PRKAR1B: variants seen among roughly 807,000 people sequenced by gnomAD.
PRKAR1B encodes the protein cAMP-dependent protein kinase type I-beta regulatory subunit.
PRKAR1B carries 22 observed loss-of-function variants against 46.5 expected under a neutral mutation model. The observed-to-expected ratio is 0.47, with a 90% CI of 0.34 to 0.68. PRKAR1B has a LOEUF of 0.68. Ranked by LOEUF, PRKAR1B falls within the 30% of genes least tolerant of loss-of-function variation. The pLI, the probability that PRKAR1B is intolerant of heterozygous loss-of-function variation, is 0.01. For missense variants in PRKAR1B, 445 were observed against 535.6 expected (o/e 0.83, Z 1.67); for synonymous variants, 259 against 217.7 (o/e 1.19, Z -1.67).
chr7:670,833 C>T (rs34352362), intron 4 of PRKAR1B, among the ~76,000 whole-genome samples: 3 of 131,470 alleles, frequency 2.3e-5, no homozygotes, highest in Non-Finnish European at 4.9e-5. Context: ...CATCCGGCAG[C>T]GGGGCTCCGG....
intron 3 of PRKAR1B, among the ~76,000 whole-genome samples, chr7:678,548 A>G (rs1464148696): frequency 6.6e-6 from 1 of 152,218 alleles, no homozygotes; most frequent in Non-Finnish European, 1.5e-5. Flanking sequence ...AAGCACTACG[A>G]ACATTTCAGA....
intron 1 of PRKAR1B, among the ~76,000 whole-genome samples, chr7:722,225 C>T (rs1277628582): frequency 1.3e-5 from 2 of 151,782 alleles, no homozygotes; most frequent in African/African-American, 4.8e-5. Context: ...CTCAGCCTCC[C>T]CGAGTAGCTG....
chr7:647,591 G>A (rs1238823170), intron 4 of PRKAR1B, among the ~76,000 whole-genome samples: 2 of 151,928 alleles, frequency 1.3e-5, no homozygotes, highest in Non-Finnish European at 2.9e-5. Flanking sequence ...TGGATCACAA[G>A]GTCAGGAGAT....
intron 4 of PRKAR1B, among the ~76,000 whole-genome samples, chr7:634,647 T>G (rs988201548): frequency 2.6e-5 from 4 of 151,294 alleles, no homozygotes; most frequent in Non-Finnish European, 5.9e-5. Context: ...CTTACTGTTT[T>G]TTTTTTTTTT....
At chr7:701,481 G>C (rs1440388615) in intron 2 of PRKAR1B, among the ~76,000 whole-genome samples, 1 of 152,082 alleles carries the variant, frequency 6.6e-6, no homozygotes, top group Admixed American at 6.6e-5. Context: ...AAGACATGAT[G>C]GTTGAAAACT....
chr7:718,417 C>T (rs935280033), intron 1 of PRKAR1B, among the ~76,000 whole-genome samples: 6 of 149,818 alleles, frequency 4.0e-5, no homozygotes, highest in African/African-American at 1.2e-4. Flanking sequence ...AGTGCAGTGG[C>T]ACAATCTCAG....
At chr7:703,917 CA>C (rs1239350358) in intron 2 of PRKAR1B, among the ~76,000 whole-genome samples, 1 of 151,914 alleles carries the variant, frequency 6.6e-6, no homozygotes. Context: ...AGAGAGATAT[CA>C]AAAAAATCCC....
At chr7:631,319 A>C (rs539271300) in intron 4 of PRKAR1B, among the ~76,000 whole-genome samples, 34 of 152,308 alleles carry the variant, frequency 2.2e-4, no homozygotes, top group Non-Finnish European at 1.2e-4. Context: ...CCAGGTGTGG[A>C]CAGCGGCCCA....
chr7:609,796 A>G (rs949529248), intron 4 of PRKAR1B, among the ~76,000 whole-genome samples: 6 of 152,148 alleles, frequency 3.9e-5, no homozygotes, highest in African/African-American at 1.4e-4. Context: ...GCTGGAGTAT[A>G]GGGGTGCGAT....
chr7:711,622 G>C (rs1453142195), intron 1 of PRKAR1B, 95 bp from the exon 2 acceptor site: 1 of 1,141,652 alleles, frequency 8.8e-7, no homozygotes, highest in Non-Finnish European at 1.2e-6. Context: ...TCTCCCAGGA[G>C]CGTGGAAGAA....
chr7:617,755 G>C (rs1782909168), intron 4 of PRKAR1B, among the ~76,000 whole-genome samples: 1 of 152,204 alleles, frequency 6.6e-6, no homozygotes, highest in South Asian at 2.1e-4. Context: ...GGTGGCAGCA[G>C]GCACTAGGCC....
At chr7:674,143 A>G (rs185972796) in intron 4 of PRKAR1B, among the ~76,000 whole-genome samples, 5 of 152,150 alleles carry the variant, frequency 3.3e-5, no homozygotes, top group African/African-American at 9.7e-5. Context: ...GGTCCCAGAG[A>G]CTAGGTCGTG....
At chr7:706,094 G>C (rs1043897178) in intron 2 of PRKAR1B, among the ~76,000 whole-genome samples, 2 of 152,132 alleles carry the variant, frequency 1.3e-5, no homozygotes, top group Non-Finnish European at 2.9e-5. Flanking sequence ...GGGAAGCCGA[G>C]TGGGGAGGAC....
intron 9 of PRKAR1B, among the ~76,000 whole-genome samples, chr7:574,905 TA>T (rs1322920063): frequency 6.6e-6 from 1 of 152,254 alleles, no homozygotes; most frequent in Non-Finnish European, 1.5e-5. Flanking sequence ...CTAGAGCAAC[TA>T]AAGATATCTG....
intron 7 of PRKAR1B, among the ~76,000 whole-genome samples, chr7:594,824 C>G (rs1156761581): frequency 2.6e-5 from 4 of 152,122 alleles, no homozygotes; most frequent in African/African-American, 9.7e-5. Flanking sequence ...GAGGGGATCC[C>G]CTAGACCATG....
Position 688,040 on chromosome 7 carries a change from G to A in PRKAR1B, c.178-7314C>T, listed in dbSNP as rs1400053249. Among the ~76,000 whole-genome samples the A allele has an allele frequency of 3.5e-5, 5 of 142,244 alleles. No individual in the cohort carries two copies. The East Asian group carries it at 1.1e-3, about 30-fold the overall frequency. 93.3% of individuals were successfully genotyped at this position (142,244 alleles called of 152,430 possible). A position where few individuals can be genotyped will look rare whatever the true frequency, so the allele number is the denominator to read the frequency against. On this transcript the variant is annotated intron_variant, in intron 2 of 10. Transcript: ENST00000537384. The stretch of plus-strand genomic sequence containing the variant: ...GAACCCAGGAGGGAGAGGTTGCAAT[G>A]AGCCAAGATCATGCCACTGCACTCC...
chr7:699,057 G>C (rs1011492809), intron 2 of PRKAR1B, among the ~76,000 whole-genome samples: 2 of 152,176 alleles, frequency 1.3e-5, no homozygotes, highest in Non-Finnish European at 2.9e-5. Flanking sequence ...AAGCAGAAGG[G>C]GGGGTTCCAC....
At chr7:674,117 C>T (rs1786445816) in intron 4 of PRKAR1B, among the ~76,000 whole-genome samples, 1 of 152,218 alleles carries the variant, frequency 6.6e-6, no homozygotes, top group African/African-American at 2.4e-5. Context: ...CTCTGCCACT[C>T]AAGATGACAC....
At chr7:669,139 G>C (rs185221111) in intron 4 of PRKAR1B, among the ~76,000 whole-genome samples, 5 of 152,150 alleles carry the variant, frequency 3.3e-5, no homozygotes, top group African/African-American at 1.2e-4. Flanking sequence ...AATATTACTC[G>C]GCCCTGAAAA....
Sources: allele counts gnomAD v4.1 joint callset (sites outside exome capture counted in the v4.1 genomes callset), GRCh38; gene constraint gnomAD v4.1.1; transcripts MANE v1.5; gene names NCBI Gene and HGNC (gene_info 2026-07-23, HGNC 2026-07-21).